The following GNAL variants were observed in gnomAD, a reference collection of about 807,000 sequenced individuals.
GNAL encodes G protein subunit alpha L, also known as guanine nucleotide-binding protein G(olf) subunit alpha.
A neutral mutation model predicts 55.1 loss-of-function variants in GNAL; 18 were observed. The observed-to-expected ratio is 0.33, with a 90% CI of 0.23 to 0.48. The LOEUF is 0.48. GNAL is among the 20% of genes least tolerant of loss of function. The pLI, the probability that GNAL is intolerant of heterozygous loss-of-function variation, is 0.99. For synonymous variants in GNAL, 253 were observed against 237.0 expected (o/e 1.07, Z -0.62); for missense variants, 412 against 614.1 (o/e 0.67, Z 3.48).
intron 1 of GNAL, among the ~76,000 whole-genome samples, chr18:11,697,698 G>T (rs1466330722): frequency 6.6e-6 from 1 of 152,194 alleles, no homozygotes; most frequent in East Asian, 1.9e-4. Flanking sequence ...TGGAGGGAAA[G>T]AAGAGCATCT....
At chr18:11,789,265 G>A (rs1423725068) in intron 4 of GNAL, among the ~76,000 whole-genome samples, 1 of 152,114 alleles carries the variant, frequency 6.6e-6, no homozygotes, top group Non-Finnish European at 1.5e-5. Context: ...GGAGTCTGTT[G>A]AAAACATCCC....
intron 4 of GNAL, among the ~76,000 whole-genome samples, chr18:11,821,423 A>G (rs1008445374): frequency 6.6e-6 from 1 of 152,354 alleles, no homozygotes; most frequent in East Asian, 1.9e-4. Flanking sequence ...TCTGAGCACA[A>G]TGACAACAGC....
At chr18:11,844,010 G>T (rs1466014249) in intron 5 of GNAL, among the ~76,000 whole-genome samples, 1 of 152,208 alleles carries the variant, frequency 6.6e-6, no homozygotes, top group Non-Finnish European at 1.5e-5. Flanking sequence ...TGGCCGAAAA[G>T]TTTAATTACA....
At chr18:11,864,745 A>G (rs2036222820) in intron 7 of GNAL, 139 bp downstream of exon 7, 1 of 647,740 alleles carries the variant, frequency 1.5e-6, no homozygotes. Context: ...TGAAATTTGA[A>G]CTCTAGCAAG....
intron 4 of GNAL, among the ~76,000 whole-genome samples, chr18:11,781,430 TC>T (rs1004059342): frequency 1.3e-5 from 2 of 152,156 alleles, no homozygotes; most frequent in Non-Finnish European, 2.9e-5. Flanking sequence ...GCATTTCTCC[TC>T]CCATACACCC....
At chr18:11,821,873 C>G (rs563067708) in intron 4 of GNAL, among the ~76,000 whole-genome samples, 53 of 152,384 alleles carry the variant, frequency 3.5e-4, no homozygotes, top group Admixed American at 1.2e-3. Context: ...GGCCTCCCGC[C>G]TCCCTGCAGC....
chr18:11,731,129 G>A (rs1487028786), intron 1 of GNAL, among the ~76,000 whole-genome samples: 1 of 152,152 alleles, frequency 6.6e-6, no homozygotes, highest in Non-Finnish European at 1.5e-5. Context: ...TTACCATCAT[G>A]GCCAGGAATT....
At chr18:11,878,173 G>A (rs561647320) in intron 11 of GNAL, among the ~76,000 whole-genome samples, 143 of 152,340 alleles carry the variant, frequency 9.4e-4, no homozygotes, top group African/African-American at 3.2e-3. Context: ...CATCCAGGCC[G>A]GATGCAGTTG....
At chr18:11,831,179 T>A (rs1197647750) in intron 5 of GNAL, among the ~76,000 whole-genome samples, 1 of 151,116 alleles carries the variant, frequency 6.6e-6, no homozygotes, top group Non-Finnish European at 1.5e-5. Flanking sequence ...AAAAAAAAAA[T>A]GACAGGAGAG....
chr18:11,859,839 G>A (rs892874769), intron 5 of GNAL, among the ~76,000 whole-genome samples: 11 of 150,998 alleles, frequency 7.3e-5, no homozygotes, highest in Admixed American at 2.0e-4. Flanking sequence ...TCTGCCTCCC[G>A]GGTTCAAGCG....
At chr18:11,723,826 G>A (rs985273338) in intron 1 of GNAL, among the ~76,000 whole-genome samples, 1 of 152,310 alleles carries the variant, frequency 6.6e-6, no homozygotes, top group Non-Finnish European at 1.5e-5. Flanking sequence ...GCACAGTACA[G>A]GAGTGGACCT....
intron 4 of GNAL, among the ~76,000 whole-genome samples, chr18:11,779,647 A>G (rs1396347209): frequency 2.0e-5 from 3 of 152,138 alleles, no homozygotes; most frequent in Admixed American, 1.3e-4. Flanking sequence ...GTCAATGGGA[A>G]TGGAAAGATG....
intron 4 of GNAL, among the ~76,000 whole-genome samples, chr18:11,754,998 ATGTGTGTGTGTGTGTG>A (rs59291287): frequency 6.7e-6 from 1 of 149,048 alleles, no homozygotes; most frequent in South Asian, 2.1e-4. Context: ...GTGAGTGTGT[ATGTGTGTGTGTGTGTG>A]TGTGTGTGTG....
At chr18:11,716,345 A>G (rs371131087) in intron 1 of GNAL, among the ~76,000 whole-genome samples, 485 of 149,618 alleles carry the variant, frequency 3.2e-3, no homozygotes, top group African/African-American at 0.012. Flanking sequence ...TCGTGGTCTC[A>G]CTGGCTTCAG....
rs576378311 is a variant in GNAL at position 11,823,988 on chromosome 18, G to A, written c.625-930G>A. Among the ~76,000 whole-genome samples, 7 of 152,220 alleles carry A rather than the reference G, an allele frequency of 4.6e-5. No homozygotes were observed. The South Asian group carries it at 8.3e-4, about 18-fold the overall frequency. ...CTTGCTTGCCATAATAATAGGTGAA[G>A]TTGAGCACAGTGACCTCATGGCTCT... On this transcript the variant is annotated intron_variant, in intron 4 of 11. Transcript: ENST00000334049.
chr18:11,855,253 A>G (rs533954716), intron 5 of GNAL, among the ~76,000 whole-genome samples: 4 of 151,692 alleles, frequency 2.6e-5, no homozygotes, highest in Non-Finnish European at 5.9e-5. Flanking sequence ...TGGCTTCTTC[A>G]CTGTAATTGT....
Position 11,817,018 on chromosome 18 carries a change from A to T in GNAL, c.625-7900A>T, listed in dbSNP as rs530675678. 3.3e-5 allele frequency among the ~76,000 whole-genome samples: 5 copies of T among 152,230 alleles called. No individual in the cohort carries two copies. In the East Asian group the frequency reaches 7.7e-4, roughly 23 times the overall value. ...TGGTGGCACGGCTTGGCTCCAAAGG[A>T]GGATGAGGCACCTTTCGTGTGATAG... is the stretch of plus-strand genomic sequence containing the variant. On this transcript the variant is annotated intron_variant, in intron 4 of 11. Transcript: ENST00000334049.
intron 2 of GNAL, 178 bp from the exon 3 acceptor site, chr18:11,753,450 A>T: frequency 1.8e-6 from 1 of 553,374 alleles, no homozygotes; most frequent in Admixed American, 3.5e-5. Context: ...ACAAATTAGA[A>T]AAGAAGGGTG....
At chr18:11,777,769 T>G (rs1472206668) in intron 4 of GNAL, among the ~76,000 whole-genome samples, 3 of 152,140 alleles carry the variant, frequency 2.0e-5, no homozygotes, top group Non-Finnish European at 4.4e-5. Flanking sequence ...GAGCAGACCC[T>G]CGCCTAGCAC....
Sources: gnomAD v4.1 joint callset for allele counts (sites outside exome capture counted in the v4.1 genomes callset) on GRCh38, gnomAD v4.1.1 for gene constraint, MANE v1.5 for transcripts, NCBI Gene and HGNC (gene_info 2026-07-23, HGNC 2026-07-21) for gene names.